The following SEMA5B variants were observed in gnomAD, a reference collection of about 807,000 sequenced individuals.
SEMA5B encodes the protein semaphorin 5B.
A neutral mutation model predicts 135.0 loss-of-function variants in SEMA5B; 66 were observed. The observed-to-expected ratio is 0.49, with a 90% CI of 0.40 to 0.60. The LOEUF (loss-of-function observed/expected upper bound fraction) is 0.60, where lower values mean the gene tolerates loss of function less well. Among genes scored for constraint, SEMA5B ranks in the 20% least tolerant of loss-of-function variants. The pLI, the probability that SEMA5B is intolerant of heterozygous loss-of-function variation, is 0.00. For missense variants in SEMA5B, 1,501 were observed against 1,566.3 expected (o/e 0.96, Z 0.70); for synonymous variants, 690 against 639.5 (o/e 1.08, Z -1.19).
intron 2 of SEMA5B, among the ~76,000 whole-genome samples, chr3:122,956,988 C>A (rs1324104257): frequency 6.6e-6 from 1 of 152,168 alleles, no homozygotes; most frequent in South Asian, 2.1e-4. Flanking sequence ...AGACAGAGGG[C>A]ACAGCAGGGG....
Position 122,913,059 on chromosome 3 carries a change from G to T in SEMA5B, c.2509C>A (p.Leu837Met). 6.6e-7 allele frequency: 1 copy of T among 1,506,104 alleles called. No homozygotes were observed. 93.3% of individuals were successfully genotyped at this position (1,506,104 alleles called of 1,614,324 possible). A position where few individuals can be genotyped will look rare whatever the true frequency, so the allele number is the denominator to read the frequency against. Residue 837 changes from leucine to methionine, a missense_variant and splice_region_variant, in exon 18 of 23, where the codon CTG (leucine) becomes ATG (methionine). This residue lies in a region of SEMA5B where 927 missense variants were observed against 881.6 expected (regional missense o/e 1.05). Coordinates refer to ENST00000357599, the MANE Select transcript of SEMA5B (RefSeq NM_001031702.4). ...CCGCTGCGCAGGAGGACCTCCACCA[G>T]GGCTGCGGAGGGGCTAGGCCTCAGC... is the stretch of plus-strand genomic sequence containing the variant. ...DGSGSCDTDA[L>M]VEVLLRSGST... is the part of the protein sequence containing the mutation.
rs530899115 is a variant in SEMA5B at position 122,987,085 on chromosome 3, G to A, written c.-38-25784C>T. Among the ~76,000 whole-genome samples the A allele has an allele frequency of 5.9e-5, 9 of 152,254 alleles. No individual in the cohort carries two copies. In the East Asian group the frequency reaches 9.6e-4, roughly 16 times the overall value. The stretch of plus-strand genomic sequence containing the variant: ...GCTGGGGCTGGGCCCTCACAGAACC[G>A]GCGGAAAAAGGGATGCTGCACTTAA... On this transcript the variant is annotated intron_variant, in intron 1 of 22. Transcript: ENST00000357599.
chr3:122,992,716 C>T (rs1417764505), intron 1 of SEMA5B: 2 of 152,302 alleles, frequency 1.3e-5, no homozygotes, highest in African/African-American at 4.8e-5. Context: ...AGCTTCAGAG[C>T]TGGTCCACTG....
In SEMA5B at chr3:122,915,868, G is replaced by A. The variant is rs1938048580; in HGVS notation, c.1711C>T (p.Pro571Ser). The A allele has an allele frequency of 6.2e-7, 1 of 1,613,980 alleles. No homozygotes were observed. The highest frequency in any genetic ancestry group is 8.5e-7 in the Non-Finnish European group (1 of 1,179,960). The change falls in exon 13 of 23, where the codon CCG (proline) becomes TCG (serine). Residue 571 changes from proline (P) to serine (S), a missense_variant. This residue lies in a region of SEMA5B where 927 missense variants were observed against 881.6 expected (regional missense o/e 1.05). Transcript: ENST00000357599. ...TGCTTCCCGTCCCAGCCACAGTACG[G>A]GTCCCGGGCCCCCAGGCATGCCCTG... ...SQGACLGARDPYCGWDGKQQR... is the reference protein window; with the variant it reads ...SQGACLGARDSYCGWDGKQQR...
chr3:122,919,656 G>T (rs554335083), intron 12 of SEMA5B, among the ~76,000 whole-genome samples: 306 of 152,312 alleles, frequency 2.0e-3, no homozygotes, highest in African/African-American at 6.5e-3. Flanking sequence ...GTGGCAGTTT[G>T]CTCCCAGACT....
In SEMA5B at chr3:122,926,607, C is replaced by T. The variant is rs893465433; in HGVS notation, c.921G>A (p.Glu307=). The T allele has an allele frequency of 6.2e-7, 1 of 1,614,254 alleles. No homozygotes were observed. Among genetic ancestry groups the T allele is most frequent in the Non-Finnish European group, 8.5e-7 (1 of 1,180,038 alleles). ...AYFFLRENAV[E]HDCGRTVYSR... ...AGTACACGGTGCGTCCACAGTCGTGCTCCACTGCGTTCTCCCGCAGGAAGA... is the reference window on the plus strand; with the variant it reads ...AGTACACGGTGCGTCCACAGTCGTGTTCCACTGCGTTCTCCCGCAGGAAGA... The change falls in exon 9 of 23, where the codon GAG becomes GAA. Residue 307 remains glutamate, a synonymous_variant. Transcript: ENST00000357599.
chr3:122,939,492 T>C (rs778711887), intron 4 of SEMA5B, 22 bp from the exon 5 acceptor site: 6 of 1,606,066 alleles, frequency 3.7e-6, no homozygotes, highest in South Asian at 3.3e-5. Context: ...GAAACAGACA[T>C]CCTAAGTGAC....
At chr3:123,023,445 A>G (rs1198566222) in intron 1 of SEMA5B, among the ~76,000 whole-genome samples, 1 of 152,116 alleles carries the variant, frequency 6.6e-6, no homozygotes, top group Admixed American at 6.6e-5. Context: ...TTTAAGTATA[A>G]GTAACACTCC....
chr3:122,932,317 A>G (rs1418425496), intron 5 of SEMA5B, among the ~76,000 whole-genome samples: 1 of 139,624 alleles, frequency 7.2e-6, no homozygotes, highest in Non-Finnish European at 1.5e-5. Flanking sequence ...ACAGTGACAC[A>G]ATCATGGCTC....
chr3:123,003,073 C>A (rs1320876781), intron 1 of SEMA5B, among the ~76,000 whole-genome samples: 1 of 151,944 alleles, frequency 6.6e-6, no homozygotes, highest in Non-Finnish European at 1.5e-5. Flanking sequence ...GCTGCAGACA[C>A]CTGCAGATGG....
At chr3:122,992,043 TA>T (rs1024860218) in intron 1 of SEMA5B, among the ~76,000 whole-genome samples, 17 of 152,178 alleles carry the variant, frequency 1.1e-4, no homozygotes, top group African/African-American at 4.1e-4. Flanking sequence ...AACAAAACTG[TA>T]ACCACCAAGG....
chr3:122,930,129 G>A (rs1479222647), intron 5 of SEMA5B, among the ~76,000 whole-genome samples: 2 of 152,234 alleles, frequency 1.3e-5, no homozygotes, highest in Non-Finnish European at 2.9e-5. Context: ...GCTGTTTCTA[G>A]CCATGAAGTC....
intron 10 of SEMA5B, 52 bp from the exon 11 acceptor site, chr3:122,922,499 T>TC (rs1938416666): frequency 2.0e-6 from 3 of 1,506,392 alleles, no homozygotes; most frequent in Non-Finnish European, 2.7e-6. Flanking sequence ...GCTGCCGCCA[T>TC]CCCCCGCCGG....
intron 5 of SEMA5B, among the ~76,000 whole-genome samples, chr3:122,931,332 G>A (rs1938962622): frequency 6.6e-6 from 1 of 151,876 alleles, no homozygotes. Context: ...CAAAGCACAC[G>A]TAACATTTCC....
At chr3:122,933,134 G>C (rs1939068622) in intron 5 of SEMA5B, among the ~76,000 whole-genome samples, 1 of 151,824 alleles carries the variant, frequency 6.6e-6, no homozygotes, top group South Asian at 2.1e-4. Flanking sequence ...TGCTCTCGAG[G>C]CCTCCTGCTT....
At chr3:122,946,996 T>C (rs1429620417) in intron 3 of SEMA5B, among the ~76,000 whole-genome samples, 8 of 152,030 alleles carry the variant, frequency 5.3e-5, no homozygotes, top group East Asian at 1.9e-4. Flanking sequence ...GGAGACCTGA[T>C]TGGTCGGGAG....
chr3:122,963,708 A>T (rs1940693326), intron 1 of SEMA5B, among the ~76,000 whole-genome samples: 1 of 152,168 alleles, frequency 6.6e-6, no homozygotes, highest in African/African-American at 2.4e-5. Context: ...GGAGCAGAAC[A>T]TTTGACTCCC....
Position 122,939,358 on chromosome 3 carries a change from C to T in SEMA5B, c.474+67G>A, listed in dbSNP as rs972090455. 1.2e-5 allele frequency: 16 copies of T among 1,295,858 alleles called. 1 individual carries two copies. The highest frequency in any genetic ancestry group is 1.8e-4 in the Middle Eastern group (1 of 5,414). 80.3% of individuals were successfully genotyped at this position (1,295,858 alleles called of 1,614,324 possible). ...GCTGAATTCTGAATGGCGCCACTTG[C>T]GTTGCCCTGCCTTGGGCTCTGGAAT... is the stretch of plus-strand genomic sequence containing the variant. On this transcript the variant is annotated intron_variant, in intron 5 of 22. Transcript: ENST00000357599.
intron 1 of SEMA5B, among the ~76,000 whole-genome samples, chr3:123,013,573 T>C (rs1172455076): frequency 6.6e-6 from 1 of 152,188 alleles, no homozygotes; most frequent in East Asian, 1.9e-4. Flanking sequence ...TAACAGTAAA[T>C]GGCAAAGCAG....
Sources: gnomAD v4.1 joint callset for allele counts (sites outside exome capture counted in the v4.1 genomes callset) on GRCh38, gnomAD v4.1.1 for gene constraint, gnomAD v4.1.1 regional missense constraint, MANE v1.5 for transcripts, NCBI Gene and HGNC (gene_info 2026-07-23, HGNC 2026-07-21) for gene names.